PCDHA8: variants seen among roughly 807,000 people sequenced by gnomAD.
PCDHA8 encodes the protein protocadherin alpha 8.
In PCDHA8, 53 loss-of-function variants were observed where a neutral mutation model predicts 61.8. The observed-to-expected ratio is 0.86, with a 90% CI of 0.69 to 1.08. The LOEUF is 1.08. Among genes scored for constraint, PCDHA8 ranks in the 50% least tolerant of loss-of-function variants. PCDHA8 has a pLI of 0.00. For synonymous variants in PCDHA8, 618 were observed against 556.6 expected (o/e 1.11, Z -1.55); for missense variants, 1,293 against 1,245.0 (o/e 1.04, Z -0.58).
chr5:140,875,441 T>C (rs781902185), intron 1 of PCDHA8: 1 of 1,570,886 alleles, frequency 6.4e-7, no homozygotes, highest in Admixed American at 1.9e-5. Flanking sequence ...TTAAAACTGA[T>C]TGTCCCAACT....
At chr5:140,937,064 G>A (rs2091301496) in intron 1 of PCDHA8, among the ~76,000 whole-genome samples, 1 of 143,854 alleles carries the variant, frequency 7.0e-6, no homozygotes, top group Admixed American at 7.1e-5. Context: ...TTGAGACGGA[G>A]TCTCGCTCTG....
At chr5:140,904,206 C>T (rs2070944708) in intron 1 of PCDHA8, among the ~76,000 whole-genome samples, 1 of 151,882 alleles carries the variant, frequency 6.6e-6, no homozygotes, top group South Asian at 2.1e-4. Flanking sequence ...CCCCTAAGTC[C>T]CCAAAGTCCA....
chr5:140,931,966 A>G (rs1554208694), intron 1 of PCDHA8, among the ~76,000 whole-genome samples: 1 of 151,950 alleles, frequency 6.6e-6, no homozygotes, highest in African/African-American at 2.4e-5. Context: ...ATGTTGATGC[A>G]TATGTGTTTA....
intron 1 of PCDHA8, among the ~76,000 whole-genome samples, chr5:140,922,827 A>G (rs2081011863): frequency 1.3e-5 from 2 of 152,244 alleles, no homozygotes; most frequent in South Asian, 4.1e-4. Context: ...GCATACTGCT[A>G]ATAGATGTCC....
At chr5:140,929,132 T>C (rs782124526) in intron 1 of PCDHA8, 2 of 1,614,214 alleles carry the variant, frequency 1.2e-6, no homozygotes, top group East Asian at 4.5e-5. Flanking sequence ...GTCACTACAG[T>C]TGAGAGACTT....
chr5:140,862,406 T>C, intron 1 of PCDHA8: 1 of 350,092 alleles, frequency 2.9e-6, no homozygotes, highest in Non-Finnish European at 5.6e-6. Flanking sequence ...GTGTCTACCT[T>C]CAAAAGGCGC....
chr5:140,963,850 A>T (rs2095793640), intron 1 of PCDHA8, among the ~76,000 whole-genome samples: 1 of 152,244 alleles, frequency 6.6e-6, no homozygotes. Flanking sequence ...TAATCATAAT[A>T]ATAACCGTAT....
chr5:140,986,385 T>C (rs1554247992), intron 3 of PCDHA8, among the ~76,000 whole-genome samples: 2 of 152,134 alleles, frequency 1.3e-5, no homozygotes, highest in Non-Finnish European at 1.5e-5. Context: ...GGAGGGACAT[T>C]AAAGGGCCAG....
At chr5:140,934,258 A>G (rs2089731137) in intron 1 of PCDHA8, among the ~76,000 whole-genome samples, 1 of 152,140 alleles carries the variant, frequency 6.6e-6, no homozygotes, top group Non-Finnish European at 1.5e-5. Flanking sequence ...ATCAAAATTA[A>G]TAATAATCAG....
rs1338866234 is a variant in PCDHA8 at position 141,009,892 on chromosome 5, GAA to G, written c.2813_2814del (p.Lys938ArgfsTer8). ...AGAAGAAGGGTAACAAGACCCAGGA[GAA>G]AAAAGAGAAAGGGAACAGCACGACT... ...KKKKGNKTQE[K>X]KEKGNSTTDN... On this transcript the variant is annotated frameshift_variant, in exon 4 of 4. Coordinates refer to ENST00000531613, the MANE Select transcript of PCDHA8 (RefSeq NM_018911.3). LOFTEE classifies it high-confidence loss of function. The G allele has an allele frequency of 3.7e-6, 6 of 1,612,022 alleles. No individual in the cohort carries two copies. The Admixed American group carries it at 1.0e-4, about 27-fold the overall frequency.
chr5:140,901,712 GAT>G lies in PCDHA8; in HGVS notation c.2394+57998_2394+57999del, dbSNP rs1187367855. Among the ~76,000 whole-genome samples, 6 of 152,218 alleles carry G rather than the reference GAT, an allele frequency of 3.9e-5. No homozygotes were observed. In the East Asian group the frequency reaches 9.6e-4, roughly 24 times the overall value. ...TTTTGTAGTTCTATATACATTTTCA[GAT>G]TGTCTTTTCTATTTCTGTGAAGAAT... On this transcript the variant is annotated intron_variant, in intron 1 of 3. Coordinates refer to ENST00000531613, the MANE Select transcript of PCDHA8 (RefSeq NM_018911.3).
At chr5:140,927,896 A>C in intron 1 of PCDHA8, 1 of 1,614,200 alleles carries the variant, frequency 6.2e-7, no homozygotes, top group East Asian at 2.2e-5. Flanking sequence ...GACGTGAACG[A>C]TCATGCCCCC....
intron 1 of PCDHA8, among the ~76,000 whole-genome samples, chr5:140,977,768 A>G (rs1264929933): frequency 1.3e-5 from 2 of 152,218 alleles, no homozygotes; most frequent in Non-Finnish European, 1.5e-5. Context: ...AATACTTTGC[A>G]TCCCTTAAAG....
chr5:140,954,885 T>C (rs1291095041), intron 1 of PCDHA8, among the ~76,000 whole-genome samples: 1 of 152,218 alleles, frequency 6.6e-6, no homozygotes, highest in Non-Finnish European at 1.5e-5. Context: ...GCTTTTCTTC[T>C]AGGGTTTTTA....
intron 1 of PCDHA8, chr5:140,877,658 T>G: frequency 6.2e-7 from 1 of 1,613,486 alleles, no homozygotes. Context: ...CCGCCCACCG[T>G]GAGCCGGTGC....
chr5:140,940,790 A>G (rs1337945408), intron 1 of PCDHA8, among the ~76,000 whole-genome samples: 3 of 152,176 alleles, frequency 2.0e-5, no homozygotes, highest in African/African-American at 7.2e-5. Context: ...TATCCTGAAA[A>G]TGATATTTGC....
chr5:140,855,911 G>A (rs2043669744), intron 1 of PCDHA8: 4 of 1,166,768 alleles, frequency 3.4e-6, no homozygotes, highest in East Asian at 4.8e-5. Context: ...AGTTTCTCAA[G>A]GACTAGGAAG....
chr5:140,845,564 A>G (rs945837920), intron 1 of PCDHA8, among the ~76,000 whole-genome samples: 4 of 149,618 alleles, frequency 2.7e-5, no homozygotes, highest in African/African-American at 9.8e-5. Context: ...TTAGCTATTA[A>G]GAATTTCTGG....
At chr5:140,858,451 T>C in intron 1 of PCDHA8, 1 of 1,531,552 alleles carries the variant, frequency 6.5e-7, no homozygotes, top group East Asian at 2.4e-5. Context: ...GTTATTACGT[T>C]TTCATTTTCC....
Sources: allele counts gnomAD v4.1 joint callset (sites outside exome capture counted in the v4.1 genomes callset), GRCh38; gene constraint gnomAD v4.1.1; transcripts MANE v1.5; gene names NCBI Gene and HGNC (gene_info 2026-07-23, HGNC 2026-07-21).